DISC1: variants seen among roughly 807,000 people sequenced by gnomAD.
DISC1 encodes the protein disrupted in schizophrenia 1 protein.
DISC1 carries 57 observed loss-of-function variants against 84.5 expected under a neutral mutation model. The observed-to-expected ratio is 0.67, with a 90% CI of 0.55 to 0.84. The LOEUF is 0.84. Among genes scored for constraint, DISC1 ranks in the 40% least tolerant of loss-of-function variants. The pLI, the probability that DISC1 is intolerant of heterozygous loss-of-function variation, is 0.00. For synonymous variants in DISC1, 411 were observed against 415.2 expected (o/e 0.99, Z 0.12); for missense variants, 1,000 against 1,057.8 (o/e 0.95, Z 0.76).
intron 9 of DISC1, among the ~76,000 whole-genome samples, chr1:231,887,278 A>G (rs1192821179): frequency 6.6e-6 from 1 of 152,202 alleles, no homozygotes; most frequent in Non-Finnish European, 1.5e-5. Context: ...TGGACCAGCC[A>G]TGTCTTCAAA....
intron 9 of DISC1, among the ~76,000 whole-genome samples, chr1:231,896,270 G>C (rs1169037266): frequency 6.6e-6 from 1 of 152,160 alleles, no homozygotes; most frequent in Non-Finnish European, 1.5e-5. Flanking sequence ...CATTTTCCCT[G>C]AACTTGGGGT....
At chr1:231,708,503 G>C (rs1348067241) in intron 3 of DISC1, among the ~76,000 whole-genome samples, 2 of 152,210 alleles carry the variant, frequency 1.3e-5, no homozygotes, top group African/African-American at 4.8e-5. Context: ...TGAGATCTCT[G>C]CTCTCTGGGT....
chr1:231,974,746 A>G (rs1423797832), intron 10 of DISC1, among the ~76,000 whole-genome samples: 1 of 152,244 alleles, frequency 6.6e-6, no homozygotes, highest in Non-Finnish European at 1.5e-5. Context: ...AAAAGGAATC[A>G]ATAATACCAA....
chr1:232,007,099 G>A (rs760096948), intron 10 of DISC1, among the ~76,000 whole-genome samples: 1 of 152,202 alleles, frequency 6.6e-6, no homozygotes, highest in Non-Finnish European at 1.5e-5. Flanking sequence ...GTATGGAAAC[G>A]CCTGGATTTC....
intron 2 of DISC1, 134 bp from the exon 3 acceptor site, chr1:231,701,821 T>C (rs1365083674): frequency 1.5e-5 from 12 of 802,042 alleles, no homozygotes; most frequent in Non-Finnish European, 2.0e-5. Flanking sequence ...AAAATGTGCA[T>C]TTTTGTTTTT....
At chr1:231,722,657 T>A in intron 3 of DISC1, 1 of 1,612,598 alleles carries the variant, frequency 6.2e-7, no homozygotes, top group Non-Finnish European at 8.5e-7. Context: ...ACAGCGTAGA[T>A]CATGACTTCT....
chr1:231,954,010 G>T lies in DISC1; in HGVS notation c.1982-4818G>T, dbSNP rs1456341711. Among the ~76,000 whole-genome samples, 9 of 152,140 alleles carry T rather than the reference G, an allele frequency of 5.9e-5. No homozygotes were observed. The highest frequency in any genetic ancestry group is 2.0e-4 in the Admixed American group (3 of 15,270). On this transcript the variant is annotated intron_variant, in intron 9 of 12. Coordinates refer to ENST00000439617, the MANE Select transcript of DISC1 (RefSeq NM_018662.3). This position sits in a 1 kb window ranked among gnomAD's most constrained non-coding sequence, Gnocchi z 4.8. ...AAGGGATACAATTCATTGAAACCTC[G>T]TTGGACTTCCTCCCACTTAACATTC...
intron 3 of DISC1, among the ~76,000 whole-genome samples, chr1:231,736,467 T>A (rs1224429374): frequency 6.6e-6 from 1 of 152,226 alleles, no homozygotes; most frequent in Non-Finnish European, 1.5e-5. Context: ...CTCTGCAAAG[T>A]GTTGTGAAAG....
chr1:231,965,866 C>T (rs930519692), intron 10 of DISC1, among the ~76,000 whole-genome samples: 3 of 152,216 alleles, frequency 2.0e-5, no homozygotes, highest in African/African-American at 7.2e-5. Flanking sequence ...CTATTTCCTG[C>T]ATGGTACCCA....
chr1:231,673,961 G>A (rs1321754995), intron 1 of DISC1, among the ~76,000 whole-genome samples: 1 of 152,186 alleles, frequency 6.6e-6, no homozygotes, highest in Non-Finnish European at 1.5e-5. Flanking sequence ...CGTATAAAAA[G>A]CCAGTGCCCA....
intron 10 of DISC1, among the ~76,000 whole-genome samples, chr1:231,992,044 T>G (rs1346126274): frequency 6.6e-6 from 1 of 152,220 alleles, no homozygotes; most frequent in Non-Finnish European, 1.5e-5. Flanking sequence ...TGTTTCCAGT[T>G]ATTTCTCATG....
At chr1:231,833,288 G>T (rs561804095) in intron 9 of DISC1, among the ~76,000 whole-genome samples, 1 of 151,462 alleles carries the variant, frequency 6.6e-6, no homozygotes, top group East Asian at 1.9e-4. Flanking sequence ...AAGCCTGGCC[G>T]TCAATATCTA....
chr1:231,659,715 G>A (rs2061418820), intron 1 of DISC1, among the ~76,000 whole-genome samples: 1 of 152,092 alleles, frequency 6.6e-6, no homozygotes, highest in South Asian at 2.1e-4. Context: ...ATTGATTTCT[G>A]CCTTAATTTC....
chr1:231,760,631 C>G (rs1027142041), intron 4 of DISC1, among the ~76,000 whole-genome samples: 1 of 152,194 alleles, frequency 6.6e-6, no homozygotes, highest in Non-Finnish European at 1.5e-5. Flanking sequence ...TTCTGGTACT[C>G]TAACAACATT....
chr1:232,025,784 G>T (rs1320305333), intron 11 of DISC1, among the ~76,000 whole-genome samples: 1 of 152,056 alleles, frequency 6.6e-6, no homozygotes, highest in African/African-American at 2.4e-5. Context: ...TCTTAGTAAA[G>T]ACAGGGTTTC....
chr1:231,994,152 G>A (rs1373695511), intron 10 of DISC1, among the ~76,000 whole-genome samples: 1 of 152,236 alleles, frequency 6.6e-6, no homozygotes, highest in Non-Finnish European at 1.5e-5. Flanking sequence ...AATTTGGGAA[G>A]GTCTTGCCTG....
At chr1:231,829,312 C>T (rs1490008451) in intron 9 of DISC1, among the ~76,000 whole-genome samples, 1 of 152,092 alleles carries the variant, frequency 6.6e-6, no homozygotes, top group Non-Finnish European at 1.5e-5. Flanking sequence ...GTATTTAATT[C>T]ATGCCTTGTT....
chr1:231,674,813 GA>G (rs1423731282), intron 1 of DISC1, among the ~76,000 whole-genome samples: 5 of 152,216 alleles, frequency 3.3e-5, no homozygotes, highest in Non-Finnish European at 5.9e-5. Context: ...CCTGATGACA[GA>G]AAAAAATTCC....
At chr1:232,033,501 G>C (rs1338405083) in intron 12 of DISC1, among the ~76,000 whole-genome samples, 1 of 152,134 alleles carries the variant, frequency 6.6e-6, no homozygotes, top group Non-Finnish European at 1.5e-5. Context: ...TCCTCCCACG[G>C]CTCCTCCCAT....
Sources: gnomAD v4.1 joint callset for allele counts (sites outside exome capture counted in the v4.1 genomes callset) on GRCh38, gnomAD v4.1.1 for gene constraint, Gnocchi (gnomAD v3.1) non-coding constraint, MANE v1.5 for transcripts, NCBI Gene and HGNC (gene_info 2026-07-23, HGNC 2026-07-21) for gene names.